Variants in ACVR1B observed in about 807,000 individuals in gnomAD.
The protein encoded by ACVR1B is activin receptor type-1B.
Under a neutral mutation model 55.6 loss-of-function variants are expected in ACVR1B, and 15 were observed. That is an observed-to-expected ratio of 0.27 (90% CI 0.18 to 0.42). The LOEUF is 0.42. ACVR1B is among the 10% of genes least tolerant of loss of function. ACVR1B has a pLI of 1.00. For missense variants in ACVR1B, 359 were observed against 670.1 expected (o/e 0.54, Z 5.13); for synonymous variants, 247 against 254.6 (o/e 0.97, Z 0.28).
chr12:51,994,032 C>T lies in ACVR1B; in HGVS notation c.1440C>T (p.Asn480=), dbSNP rs761107252. 103 of 1,613,982 alleles carry T rather than the reference C, an allele frequency of 6.4e-5. No individual in the cohort carries two copies. The highest frequency in any genetic ancestry group is 1.0e-4 in the Admixed American group (6 of 60,010). Residue 480 remains asparagine (N), a synonymous_variant, in exon 9 of 9, where the codon AAC becomes AAT. Coordinates refer to ENST00000257963, the MANE Select transcript of ACVR1B (RefSeq NM_004302.5). This position sits in a 1 kb window ranked among gnomAD's most constrained non-coding sequence, Gnocchi z 4.2. ...TGATGCGAGAGTGTTGGTATGCCAACGGCGCAGCCCGCCTGACGGCCCTGC... is the reference window on the plus strand; with the variant it reads ...TGATGCGAGAGTGTTGGTATGCCAATGGCGCAGCCCGCCTGACGGCCCTGC... ...GKMMRECWYA[N]GAARLTALRI... is the part of the protein sequence containing the mutation.
rs554821758 is a variant in ACVR1B, at chr12:51,966,840, T to G, written c.92-8425T>G. Among the ~76,000 whole-genome samples, 4 of 152,348 alleles carry G rather than the reference T, an allele frequency of 2.6e-5. No individual in the cohort carries two copies. In the East Asian group the frequency reaches 7.7e-4, roughly 29 times the overall value. The stretch of plus-strand genomic sequence containing the variant: ...ATATTTGATTATATTAAGGCTATTA[T>G]TGTCAGTTATTTTAGGTATGATAAT... On this transcript the variant is annotated intron_variant, in intron 1 of 8. Transcript: ENST00000257963.
chr12:51,983,364 A>G (rs776369149), intron 4 of ACVR1B, among the ~76,000 whole-genome samples: 7 of 152,242 alleles, frequency 4.6e-5, no homozygotes, highest in Non-Finnish European at 8.8e-5. Context: ...CTTTCTGGGA[A>G]TACTTGGAAG....
chr12:51,984,313 A>G (rs1942038187), intron 5 of ACVR1B, 147 bp downstream of exon 5: 1 of 967,406 alleles, frequency 1.0e-6, no homozygotes, highest in African/African-American at 1.6e-5. Flanking sequence ...AGGAGGTTTG[A>G]GCTTCACTTA....
At chr12:51,983,961 T>C in intron 4 of ACVR1B, 38 bp from the exon 5 acceptor site, 1 of 1,611,880 alleles carries the variant, frequency 6.2e-7, no homozygotes, top group Non-Finnish European at 8.5e-7. Context: ...TTGCTGATAG[T>C]TACACTTTTT....
At chr12:51,964,167 T>G (rs567143188) in intron 1 of ACVR1B, among the ~76,000 whole-genome samples, 1 of 151,990 alleles carries the variant, frequency 6.6e-6, no homozygotes, top group African/African-American at 2.4e-5. Flanking sequence ...TAGAGAAGGG[T>G]TCTTGCTCTG....
At chr12:51,952,850 C>T (rs1941334235) in intron 1 of ACVR1B, among the ~76,000 whole-genome samples, 1 of 150,602 alleles carries the variant, frequency 6.6e-6, no homozygotes, top group Non-Finnish European at 1.5e-5. Flanking sequence ...TCCCAATCCC[C>T]ACAGTCTGCG....
chr12:51,959,355 T>G (rs1407110675), intron 1 of ACVR1B, among the ~76,000 whole-genome samples: 1 of 152,224 alleles, frequency 6.6e-6, no homozygotes, highest in African/African-American at 2.4e-5. Context: ...TGTTGTGAAC[T>G]GCCGATCCCA....
rs201783156 is a variant in ACVR1B at position 51,974,447 on chromosome 12, TACCC to T, written c.92-816_92-813del. 8.8e-3 allele frequency among the ~76,000 whole-genome samples: 1,336 copies of T among 152,288 alleles called. 20 individuals are homozygous for T. Among genetic ancestry groups the T allele is most frequent in the African/African-American group, 0.026 (1,094 of 41,538 alleles). On this transcript the variant is annotated intron_variant, in intron 1 of 8. Transcript: ENST00000257963. ...ATGGGACACACTTATGTATGATAGT[TACCC>T]AGCAAAACTCATTAATCCCAGAGGT...
intron 8 of ACVR1B, among the ~76,000 whole-genome samples, chr12:51,993,379 C>CAGGGCAGGGTTTGCTTCAG (rs1942231472): frequency 6.6e-6 from 1 of 152,194 alleles, no homozygotes; most frequent in Non-Finnish European, 1.5e-5. Context: ...TTGGAACCCT[C>CAGGGCAGGGTTTGCTTCAG]AGGGCAGGGT....
At chr12:51,962,022 A>G (rs967146979) in intron 1 of ACVR1B, among the ~76,000 whole-genome samples, 1 of 152,210 alleles carries the variant, frequency 6.6e-6, no homozygotes, top group Non-Finnish European at 1.5e-5. Flanking sequence ...CTTAGCATAA[A>G]CATCAAACGT....
intron 3 of ACVR1B, among the ~76,000 whole-genome samples, chr12:51,978,603 G>A (rs1941913669): frequency 6.6e-6 from 1 of 152,134 alleles, no homozygotes; most frequent in Admixed American, 6.5e-5. Context: ...GCTGAGGTGG[G>A]TGGATCATGA....
intron 8 of ACVR1B, among the ~76,000 whole-genome samples, chr12:51,993,766 A>G (rs1260480783): frequency 6.7e-4 from 3 of 4,480 alleles, no homozygotes; most frequent in Non-Finnish European, 1.3e-3. Context: ...GACTCCTTCT[A>G]AAAAAAAAAA....
rs1296493115 is a variant in ACVR1B at position 51,994,138 on chromosome 12, T to C, written c.*28T>C. 1 of 1,610,122 alleles carries C rather than the reference T, an allele frequency of 6.2e-7. No homozygotes were observed. Among genetic ancestry groups the C allele is most frequent in the Admixed American group, 1.7e-5 (1 of 59,994 alleles). On this transcript the variant is annotated 3_prime_UTR_variant, in exon 9 of 9. Coordinates refer to ENST00000257963, the MANE Select transcript of ACVR1B (RefSeq NM_004302.5). The surrounding 1 kb of genome is among the most constrained non-coding windows in gnomAD (Gnocchi z 4.2). ...GCTCCCTCTCTCCACACGGAGCTCC[T>C]GGCAGCGAGAACTACGCACAGCTGC... is the stretch of plus-strand genomic sequence containing the variant.
chr12:51,992,174 C>T (rs1942205061), intron 8 of ACVR1B, 181 bp downstream of exon 8: 2 of 753,922 alleles, frequency 2.7e-6, no homozygotes, highest in Non-Finnish European at 4.2e-6. Context: ...GTCCTGGACC[C>T]TGTAGGGTGC....
In ACVR1B at chr12:51,951,716, G is replaced by GGGCT; in HGVS notation, c.-27_-26insGCTG. 7.3e-5 allele frequency: 1 copy of GGGCT among 13,780 alleles called. No homozygotes were observed. Among genetic ancestry groups the GGGCT allele is most frequent in the Non-Finnish European group, 1.7e-4 (1 of 5,802 alleles). The allele number at this position is 13,780 out of a possible 1,614,324, so 0.9% of individuals were successfully genotyped here. ...CGCGCGCTGGGCGCTGCTGGGCTGC[G>GGGCT]GCGGCGGCGGCGGCGGCGGTGGTTA... On this transcript the variant is annotated 5_prime_UTR_variant, in exon 1 of 9. Coordinates refer to ENST00000257963, the MANE Select transcript of ACVR1B (RefSeq NM_004302.5).
chr12:51,975,140 G>A, intron 1 of ACVR1B, 125 bp from the exon 2 acceptor site: 1 of 1,352,042 alleles, frequency 7.4e-7, no homozygotes, highest in East Asian at 2.3e-5. Context: ...TATCTTTTTG[G>A]CCCCATCTCT....
intron 8 of ACVR1B, 124 bp from the exon 9 acceptor site, chr12:51,993,861 G>A (rs1393203531): frequency 2.4e-5 from 30 of 1,237,166 alleles, no homozygotes; most frequent in Non-Finnish European, 2.9e-5. Flanking sequence ...GTCGGCCGCC[G>A]GGTGGATGTG....
chr12:51,991,042 C>A (rs1453078924), intron 7 of ACVR1B, among the ~76,000 whole-genome samples: 1 of 152,086 alleles, frequency 6.6e-6, no homozygotes, highest in African/African-American at 2.4e-5. Context: ...TGATATTGTC[C>A]AAAACTAAGC....
At chr12:51,991,070 A>T (rs1942183688) in intron 7 of ACVR1B, among the ~76,000 whole-genome samples, 1 of 152,216 alleles carries the variant, frequency 6.6e-6, no homozygotes, top group African/African-American at 2.4e-5. Flanking sequence ...TACTTCCCCT[A>T]CATATGTATT....
Sources: allele counts gnomAD v4.1 joint callset (sites outside exome capture counted in the v4.1 genomes callset), GRCh38; gene constraint gnomAD v4.1.1; non-coding constraint Gnocchi (gnomAD v3.1); transcripts MANE v1.5; gene names NCBI Gene and HGNC (gene_info 2026-07-23, HGNC 2026-07-21).